Variants in MIPOL1 observed in about 807,000 individuals in gnomAD.
MIPOL1 encodes the protein mirror-image polydactyly 1.
A neutral mutation model predicts 60.9 loss-of-function variants in MIPOL1; 57 were observed. That is an observed-to-expected ratio of 0.94 (90% CI 0.76 to 1.17). The LOEUF (loss-of-function observed/expected upper bound fraction) is 1.17. MIPOL1 is among the 50% of genes most tolerant of loss of function. MIPOL1 has a pLI of 0.00. For missense variants in MIPOL1, 551 were observed against 511.6 expected, an observed-to-expected ratio of 1.08 and a Z score of -0.74; for synonymous variants, 179 against 168.8, an observed-to-expected ratio of 1.06 and a Z score of -0.47.
intron 11 of MIPOL1, among the ~76,000 whole-genome samples, chr14:37,452,093 G>T (rs952388786): frequency 6.6e-6 from 1 of 151,950 alleles, no homozygotes; most frequent in Admixed American, 6.5e-5. Flanking sequence ...GGGATTACAA[G>T]CGTGAGCCAC....
At chr14:37,436,622 T>C (rs1028525129) in intron 11 of MIPOL1, among the ~76,000 whole-genome samples, 3 of 152,248 alleles carry the variant, frequency 2.0e-5, no homozygotes, top group Non-Finnish European at 4.4e-5. Flanking sequence ...ATAAACTTTC[T>C]AATGCCACTG....
At chr14:37,289,147 G>T (rs1407311474) in intron 7 of MIPOL1, among the ~76,000 whole-genome samples, 1 of 152,084 alleles carries the variant, frequency 6.6e-6, no homozygotes, top group East Asian at 1.9e-4. Flanking sequence ...TTATTGTGAG[G>T]AATCCCTGGG....
chr14:37,502,373 G>A (rs1477441437), intron 12 of MIPOL1: 1 of 152,364 alleles, frequency 6.6e-6, no homozygotes, highest in Non-Finnish European at 1.5e-5. Flanking sequence ...ATACAAGCGA[G>A]TGCCCCTCTA....
At chr14:37,503,464 G>T (rs2095244617) in intron 12 of MIPOL1, 1 of 152,130 alleles carries the variant, frequency 6.6e-6, no homozygotes, top group African/African-American at 2.4e-5. Context: ...CATTCTTAAA[G>T]AAAAGAATTT....
intron 12 of MIPOL1, among the ~76,000 whole-genome samples, chr14:37,546,396 A>C (rs539826525): frequency 6.6e-6 from 1 of 152,032 alleles, no homozygotes. Flanking sequence ...CCTAACCACT[A>C]TTTCTGGCTT....
At position 37,422,843 on chromosome 14, in the gene MIPOL1, A is replaced by T; in HGVS notation, c.937-12A>T. ...TGAATACTGAATTTCTTAAAATATT[A>T]ATTACTTTTAGGCAAAGTTGTTATC... On this transcript the variant is annotated splice_polypyrimidine_tract_variant and intron_variant, in intron 10 of 12. Coordinates refer to ENST00000684589, the MANE Select transcript of MIPOL1 (RefSeq NM_001388067.1). 1 of 1,556,378 alleles carries T rather than the reference A, an allele frequency of 6.4e-7. No individual in the cohort carries two copies. Among genetic ancestry groups the T allele is most frequent in the Non-Finnish European group, 8.8e-7 (1 of 1,137,366 alleles).
intron 10 of MIPOL1, among the ~76,000 whole-genome samples, chr14:37,412,031 A>G (rs1190480088): frequency 1.3e-5 from 2 of 152,100 alleles, no homozygotes; most frequent in African/African-American, 4.8e-5. Context: ...CAATGAGAAA[A>G]TTTAGGTTCA....
chr14:37,345,647 A>G (rs2090896611), intron 9 of MIPOL1, among the ~76,000 whole-genome samples: 1 of 152,132 alleles, frequency 6.6e-6, no homozygotes, highest in African/African-American at 2.4e-5. Flanking sequence ...CCAAACATCC[A>G]TGGAGTTCTT....
At chr14:37,230,261 A>G (rs1594610468) in intron 1 of MIPOL1, among the ~76,000 whole-genome samples, 1 of 152,230 alleles carries the variant, frequency 6.6e-6, no homozygotes, top group Non-Finnish European at 1.5e-5. Flanking sequence ...CTGCTCTAAC[A>G]GGACTAAAAA....
chr14:37,361,356 C>G (rs978349694), intron 9 of MIPOL1, among the ~76,000 whole-genome samples: 3 of 152,124 alleles, frequency 2.0e-5, no homozygotes, highest in Non-Finnish European at 2.9e-5. Context: ...GAGCTGCATT[C>G]AAGTCCTGGA....
At chr14:37,439,593 A>G (rs1234171192) in intron 11 of MIPOL1, among the ~76,000 whole-genome samples, 1 of 152,154 alleles carries the variant, frequency 6.6e-6, no homozygotes, top group African/African-American at 2.4e-5. Flanking sequence ...AATTTTGGAC[A>G]TATACAACAG....
intron 12 of MIPOL1, among the ~76,000 whole-genome samples, chr14:37,543,284 TA>T (rs1308454785): frequency 6.6e-6 from 1 of 151,744 alleles, no homozygotes; most frequent in Non-Finnish European, 1.5e-5. Context: ...GTTATTTTAT[TA>T]TTTTTTTTTA....
intron 11 of MIPOL1, among the ~76,000 whole-genome samples, chr14:37,463,743 C>T: frequency 6.6e-6 from 1 of 151,944 alleles, no homozygotes; most frequent in East Asian, 1.9e-4. Context: ...GTGACAAAAA[C>T]AAAAATAAAC....
intron 11 of MIPOL1, among the ~76,000 whole-genome samples, chr14:37,480,131 C>T (rs936828272): frequency 6.6e-6 from 1 of 152,096 alleles, no homozygotes; most frequent in Non-Finnish European, 1.5e-5. Context: ...TAATCCTTCT[C>T]TAATCCTTCT....
At chr14:37,521,513 T>C (rs2095412784) in intron 12 of MIPOL1, among the ~76,000 whole-genome samples, 1 of 152,158 alleles carries the variant, frequency 6.6e-6, no homozygotes. Context: ...TTAATTTGTA[T>C]TTCAACATCC....
intron 11 of MIPOL1, among the ~76,000 whole-genome samples, chr14:37,452,064 C>T (rs2153575728): frequency 6.6e-6 from 1 of 151,958 alleles, no homozygotes; most frequent in South Asian, 2.1e-4. Flanking sequence ...ATCCGCCCGC[C>T]TCGGCCTCCC....
chr14:37,252,702 C>G (rs1205526540), intron 3 of MIPOL1, among the ~76,000 whole-genome samples: 4 of 151,750 alleles, frequency 2.6e-5, no homozygotes, highest in African/African-American at 9.7e-5. Context: ...TTCTGTTTTA[C>G]CTTTTGTCTG....
At chr14:37,520,199 A>G (rs1049305533) in intron 12 of MIPOL1, among the ~76,000 whole-genome samples, 2 of 152,104 alleles carry the variant, frequency 1.3e-5, no homozygotes, top group African/African-American at 4.8e-5. Context: ...AGTTGCATTG[A>G]TATATTATCT....
rs114066685 is a variant in MIPOL1 at position 37,455,833 on chromosome 14, G to T, written c.1031+32884G>T. Among the ~76,000 whole-genome samples, 907 of 152,078 alleles carry T rather than the reference G, an allele frequency of 6.0e-3. 5 individuals are homozygous for T. The highest frequency in any genetic ancestry group is 0.02 in the African/African-American group (812 of 41,506). The stretch of plus-strand genomic sequence containing the variant: ...TTCATGCACTTTCAGAAATTTGGTG[G>T]TGTTCTGTGAAAATTACGTGATTTT... On this transcript the variant is annotated intron_variant, in intron 11 of 12. Transcript: ENST00000684589.
Sources: gnomAD v4.1 joint callset for allele counts (sites outside exome capture counted in the v4.1 genomes callset) on GRCh38, gnomAD v4.1.1 for gene constraint, MANE v1.5 for transcripts, NCBI Gene and HGNC (gene_info 2026-07-23, HGNC 2026-07-21) for gene names.